BIRC2: variants seen among roughly 807,000 people sequenced by gnomAD.
The protein encoded by BIRC2 is baculoviral IAP repeat-containing protein 2.
In BIRC2, 18 loss-of-function variants were observed where a neutral mutation model predicts 60.9. The ratio of observed to expected loss-of-function variants is 0.30; its 90% CI spans 0.20 to 0.44. BIRC2 has a LOEUF of 0.44. Among genes scored for constraint, BIRC2 ranks in the 20% least tolerant of loss-of-function variants. The probability of loss-of-function intolerance (pLI) is 1.00; values close to 1 mark genes in which losing one functional copy is unlikely to be tolerated. For missense variants in BIRC2, 701 were observed against 728.5 expected (o/e 0.96, Z 0.43); for synonymous variants, 282 against 247.7 (o/e 1.14, Z -1.30).
At chr11:102,360,975 C>T (rs1388087886) in intron 3 of BIRC2, among the ~76,000 whole-genome samples, 1 of 152,010 alleles carries the variant, frequency 6.6e-6, no homozygotes, top group African/African-American at 2.4e-5. Context: ...GTATCCATAC[C>T]AGCAGCAAGG....
rs1204152281 is a variant in BIRC2 at position 102,372,811 on chromosome 11, T to C, written c.1366+4263T>C. ...TAATGTGTGGGAGTCTAAGTCTCTT[T>C]GTAGGTCACTCAGGACTTGCTTTAT... is the stretch of plus-strand genomic sequence containing the variant. On this transcript the variant is annotated intron_variant, in intron 6 of 8. Coordinates refer to ENST00000227758, the MANE Select transcript of BIRC2 (RefSeq NM_001166.5). 4.4e-3 allele frequency among the ~76,000 whole-genome samples: 493 copies of C among 112,196 alleles called. 7 individuals are homozygous for C. Among genetic ancestry groups the C allele is most frequent in the African/African-American group, 0.015 (413 of 27,970 alleles). 73.6% of individuals were successfully genotyped at this position (112,196 alleles called of 152,430 possible).
At chr11:102,374,199 C>T (rs1415447883) in intron 6 of BIRC2, among the ~76,000 whole-genome samples, 3 of 151,544 alleles carry the variant, frequency 2.0e-5, no homozygotes, top group South Asian at 2.1e-4. Context: ...AGCTTTGTTC[C>T]GTTGCTGGTG....
intron 5 of BIRC2, among the ~76,000 whole-genome samples, chr11:102,365,293 C>G (rs1279813149): frequency 6.6e-6 from 1 of 152,160 alleles, no homozygotes; most frequent in Admixed American, 6.5e-5. Flanking sequence ...TCTCCTGAAT[C>G]ACTCATGTTA....
intron 4 of BIRC2, 59 bp from the exon 5 acceptor site, chr11:102,363,609 T>C (rs1273608463): frequency 7.5e-7 from 1 of 1,330,644 alleles, no homozygotes; most frequent in Admixed American, 1.7e-5. Flanking sequence ...TTAGTGTTGT[T>C]CTTTTCAGAT....
intron 3 of BIRC2, among the ~76,000 whole-genome samples, chr11:102,352,376 A>G (rs35798777): frequency 0.016 from 2,490 of 151,574 alleles, 28 homozygotes; most frequent in Admixed American, 0.025. Context: ...AGCCTCCCAA[A>G]GTGCTGGGAT....
At chr11:102,374,452 TG>T (rs1171022101) in intron 6 of BIRC2, among the ~76,000 whole-genome samples, 51 of 149,010 alleles carry the variant, frequency 3.4e-4, no homozygotes, top group South Asian at 2.4e-3. Flanking sequence ...GTGCCCCTGC[TG>T]GGGGGTGCCT....
chr11:102,353,679 C>CTTTTTTTTTTTTTTTTTTTTTTTTTT (rs60766578), intron 3 of BIRC2, among the ~76,000 whole-genome samples: 1 of 86,090 alleles, frequency 1.2e-5, no homozygotes, highest in Non-Finnish European at 2.2e-5. Flanking sequence ...TAGTAACTTT[C>CTTTTTTTTTTTTTTTTTTTTTTTTTT]TTTTTTTTTT....
rs759616402 is a variant in BIRC2, at chr11:102,356,680, A to ATT, written c.995+5752_995+5753dup. Among the ~76,000 whole-genome samples, 1,131 of 134,566 alleles carry ATT rather than the reference A, an allele frequency of 8.4e-3. 19 individuals carry two copies. The highest frequency in any genetic ancestry group is 0.029 in the African/African-American group (1,077 of 36,798). 88.3% of individuals were successfully genotyped at this position (134,566 alleles called of 152,430 possible). ...GTTTATATTATTATTATTATTATTAATTTTTTTTTTTTTTTTGAGATGGAG... is the reference window on the plus strand; with the variant it reads ...GTTTATATTATTATTATTATTATTAATTTTTTTTTTTTTTTTTTGAGATGGAG... On this transcript the variant is annotated intron_variant, in intron 3 of 8. Coordinates refer to ENST00000227758, the MANE Select transcript of BIRC2 (RefSeq NM_001166.5).
chr11:102,360,686 CTTTT>C (rs764762961), intron 3 of BIRC2, among the ~76,000 whole-genome samples: 1 of 126,032 alleles, frequency 7.9e-6, no homozygotes, highest in Non-Finnish European at 1.7e-5. Context: ...TGTCACGTTT[CTTTT>C]TTTTTTTTTC....
chr11:102,363,241 T>C (rs957738485), intron 4 of BIRC2, among the ~76,000 whole-genome samples: 1 of 152,250 alleles, frequency 6.6e-6, no homozygotes, highest in Non-Finnish European at 1.5e-5. Flanking sequence ...AAGATTGTTT[T>C]TTTGTTTTTA....
intron 3 of BIRC2, among the ~76,000 whole-genome samples, chr11:102,361,061 C>A (rs1349697059): frequency 6.6e-6 from 1 of 151,998 alleles, no homozygotes; most frequent in Non-Finnish European, 1.5e-5. Flanking sequence ...ACATTGTGGC[C>A]AAGGGGATTC....
intron 3 of BIRC2, 58 bp downstream of exon 3, chr11:102,351,001 A>G (rs1303572741): frequency 1.3e-6 from 2 of 1,501,008 alleles, no homozygotes; most frequent in African/African-American, 1.4e-5. Flanking sequence ...AGAAGTAGGC[A>G]TGCCTACATG....
At chr11:102,354,384 GTT>G (rs1297588944) in intron 3 of BIRC2, among the ~76,000 whole-genome samples, 1 of 152,024 alleles carries the variant, frequency 6.6e-6, no homozygotes, top group African/African-American at 2.4e-5. Flanking sequence ...TAATTACTCT[GTT>G]TTTGTAGAGA....
rs916968289 is a variant in BIRC2 at position 102,374,152 on chromosome 11, CCTT to C, written c.1367-3338_1367-3336del. On this transcript the variant is annotated intron_variant, in intron 6 of 8. Coordinates refer to ENST00000227758, the MANE Select transcript of BIRC2 (RefSeq NM_001166.5). ...CTCAGAGTAATTTGATCGTCTGAAG[CCTT>C]CTTCTCTCAGCTCATCAAAGTCATT... Among the ~76,000 whole-genome samples the C allele has an allele frequency of 1.9e-4, 29 of 150,750 alleles. No individual in the cohort carries two copies. In the East Asian group the frequency reaches 3.5e-3, roughly 18 times the overall value.
At chr11:102,367,459 C>T (rs930703151) in intron 5 of BIRC2, among the ~76,000 whole-genome samples, 28 of 152,096 alleles carry the variant, frequency 1.8e-4, no homozygotes, top group Non-Finnish European at 2.9e-4. Context: ...GCCATTTCTT[C>T]GGACACGGAT....
Position 102,347,258 on chromosome 11 carries a change from G to A in BIRC2, c.-1376G>A, listed in dbSNP as rs71478568. On this transcript the variant is annotated 5_prime_UTR_variant, in exon 1 of 9. Transcript: ENST00000227758. ...CCGGATGGGGCGGCGGGCTTCGGGA[G>A]CGCCCGGGCTGATCCGAGCCGAGCG... The A allele has an allele frequency of 3.9e-3, 592 of 152,436 alleles. 1 individual carries two copies. The highest frequency in any genetic ancestry group is 6.8e-3 in the Middle Eastern group (2 of 294). 9.4% of individuals were successfully genotyped at this position (152,436 alleles called of 1,614,324 possible).
chr11:102,348,178 T>TA (rs1205657996), intron 1 of BIRC2: 4 of 152,282 alleles, frequency 2.6e-5, no homozygotes, highest in Non-Finnish European at 5.9e-5. Context: ...GACTTGATAT[T>TA]ACAAACTAAC....
rs1281461909 is a variant in BIRC2 at position 102,350,303 on chromosome 11, G to A, written c.449G>A (p.Ser150Asn). Residue 150 changes from serine (S) to asparagine (N), a missense_variant, in exon 2 of 9, where the codon AGT becomes AAT. Transcript: ENST00000227758. The stretch of plus-strand genomic sequence containing the variant: ...ACCTTGGAACATAGTAGCTTGTTCA[G>A]TGGTTCTTACTCCAGCCTTTCTCCA... The part of the protein sequence containing the change: ...SPTLEHSSLF[S>N]GSYSSLSPNP... 6.2e-7 allele frequency: 1 copy of A among 1,614,240 alleles called. No individual in the cohort carries two copies. Among genetic ancestry groups the A allele is most frequent in the Admixed American group, 1.7e-5 (1 of 60,036 alleles).
intron 6 of BIRC2, among the ~76,000 whole-genome samples, chr11:102,371,749 T>C (rs1307578399): frequency 0.016 from 2,383 of 149,430 alleles, 30 homozygotes; most frequent in Middle Eastern, 0.031. Context: ...ATGGTACCAG[T>C]TCCTCCTTGT....
Sources: gnomAD v4.1 joint callset for allele counts (sites outside exome capture counted in the v4.1 genomes callset) on GRCh38, gnomAD v4.1.1 for gene constraint, MANE v1.5 for transcripts, NCBI Gene and HGNC (gene_info 2026-07-23, HGNC 2026-07-21) for gene names.